The following FILIP1L variants were observed in gnomAD, a reference collection of about 807,000 sequenced individuals.
FILIP1L encodes filamin A interacting protein 1 like, also known as filamin A-interacting protein 1-like.
FILIP1L carries 55 observed loss-of-function variants against 96.6 expected under a neutral mutation model. The observed-to-expected ratio is 0.57, with a 90% CI of 0.46 to 0.71. FILIP1L has a LOEUF of 0.71. Ranked by LOEUF, FILIP1L falls within the 30% of genes least tolerant of loss-of-function variation. FILIP1L has a pLI of 0.00. For missense variants in FILIP1L, 1,304 were observed against 1,321.2 expected, an observed-to-expected ratio of 0.99 and a Z score of 0.20; for synonymous variants, 467 against 473.9, an observed-to-expected ratio of 0.99 and a Z score of 0.19.
chr3:100,047,966 C>A (rs1053934401), intron 1 of FILIP1L, among the ~76,000 whole-genome samples: 1 of 152,148 alleles, frequency 6.6e-6, no homozygotes, highest in African/African-American at 2.4e-5. Flanking sequence ...AACGAATTGT[C>A]CCTCCTATAG....
At chr3:99,855,672 A>C (rs1486776905) in intron 4 of FILIP1L, among the ~76,000 whole-genome samples, 1 of 152,218 alleles carries the variant, frequency 6.6e-6, no homozygotes, top group Non-Finnish European at 1.5e-5. Flanking sequence ...AACTTAAAAA[A>C]TCTTACTTAA....
At chr3:100,107,393 C>A (rs1345550334) in intron 1 of FILIP1L, among the ~76,000 whole-genome samples, 2 of 152,128 alleles carry the variant, frequency 1.3e-5, no homozygotes, top group Non-Finnish European at 2.9e-5. Flanking sequence ...ATAGCCTCTT[C>A]TGACACTTTG....
chr3:100,083,863 G>A (rs1434454327), intron 1 of FILIP1L, among the ~76,000 whole-genome samples: 2 of 152,106 alleles, frequency 1.3e-5, no homozygotes, highest in African/African-American at 2.4e-5. Context: ...CATGAGCCAC[G>A]GTGCCTGGCG....
In FILIP1L at chr3:100,112,373, G is replaced by A. The variant is rs993510058; in HGVS notation, c.-11+1680C>T. On this transcript the variant is annotated intron_variant, in intron 1 of 5. Coordinates refer to ENST00000477258, the MANE Select transcript of FILIP1L (RefSeq NM_001387850.1). The stretch of plus-strand genomic sequence containing the variant: ...GCATCCTTGGACCTGCCTGACTCTC[G>A]GCAAGTTGCAATGGCAGTCTCCTAC... 3.3e-5 allele frequency among the ~76,000 whole-genome samples: 5 copies of A among 152,094 alleles called. No homozygotes were observed. The South Asian group carries it at 6.2e-4, about 19-fold the overall frequency.
At chr3:99,989,796 A>G (rs1709460349) in intron 1 of FILIP1L, among the ~76,000 whole-genome samples, 1 of 151,958 alleles carries the variant, frequency 6.6e-6, no homozygotes, top group Non-Finnish European at 1.5e-5. Context: ...TATTGATTTG[A>G]TAGAAAGGAA....
At chr3:100,009,812 G>T (rs1710092857) in intron 1 of FILIP1L, among the ~76,000 whole-genome samples, 1 of 152,178 alleles carries the variant, frequency 6.6e-6, no homozygotes, top group Non-Finnish European at 1.5e-5. Context: ...GCAATGTATG[G>T]TTTAGCTGTA....
At position 99,940,860 on chromosome 3, in the gene FILIP1L, A is replaced by C. The variant is rs371348062; in HGVS notation, c.-10-9830T>G. On this transcript the variant is annotated intron_variant, in intron 1 of 5. Transcript: ENST00000477258. Reference sequence around the variant, plus strand: ...GGAGGTCAAGAGTTTCCATCTTTACATTCCAACGTGAGGTCTTCCCTTTCT... The same window carrying C: ...GGAGGTCAAGAGTTTCCATCTTTACCTTCCAACGTGAGGTCTTCCCTTTCT... 3.9e-5 allele frequency among the ~76,000 whole-genome samples: 6 copies of C among 152,208 alleles called. No homozygotes were observed. The East Asian group carries it at 9.6e-4, about 24-fold the overall frequency.
At chr3:99,877,289 T>C (rs1055833459) in intron 4 of FILIP1L, among the ~76,000 whole-genome samples, 5 of 152,202 alleles carry the variant, frequency 3.3e-5, no homozygotes, top group African/African-American at 1.2e-4. Context: ...GATGTACATA[T>C]GTCTGTAGAA....
chr3:100,008,099 A>G (rs1012483149), intron 1 of FILIP1L, among the ~76,000 whole-genome samples: 7 of 152,180 alleles, frequency 4.6e-5, no homozygotes, highest in African/African-American at 7.2e-5. Flanking sequence ...TTTTACTAAC[A>G]TAATTACAAT....
chr3:99,833,061 T>C (rs1942749323), intron 5 of FILIP1L: 1 of 640,314 alleles, frequency 1.6e-6, no homozygotes, highest in Non-Finnish European at 2.8e-6. Context: ...ACAGTGAATG[T>C]TCTACTCAGA....
intron 4 of FILIP1L, among the ~76,000 whole-genome samples, chr3:99,857,915 A>G (rs1216795327): frequency 6.6e-6 from 1 of 152,220 alleles, no homozygotes; most frequent in Non-Finnish European, 1.5e-5. Context: ...AACAAAGACA[A>G]TCATTAGTAC....
rs1447059142 is a variant in FILIP1L, at chr3:99,903,611, TAGA to T, written c.605+20616_605+20618del. On this transcript the variant is annotated intron_variant, in intron 4 of 5. Coordinates refer to ENST00000477258, the MANE Select transcript of FILIP1L (RefSeq NM_001387850.1). Reference sequence around the variant, plus strand: ...AGGTGGACCAAAAAAAAAGTAGGTTTAGAAGAATTTTGATAGATTTATGGATGA... The same window carrying T: ...AGGTGGACCAAAAAAAAAGTAGGTTTAGAATTTTGATAGATTTATGGATGA... Among the ~76,000 whole-genome samples the T allele has an allele frequency of 2.6e-5, 4 of 152,146 alleles. 1 individual carries two copies. Among genetic ancestry groups the T allele is most frequent in the African/African-American group, 7.2e-5 (3 of 41,422 alleles).
intron 1 of FILIP1L, among the ~76,000 whole-genome samples, chr3:100,057,857 G>A (rs1309147983): frequency 3.3e-5 from 5 of 152,084 alleles, no homozygotes; most frequent in Non-Finnish European, 7.4e-5. Context: ...ATTAACAACT[G>A]TGAATACAAT....
intron 1 of FILIP1L, among the ~76,000 whole-genome samples, chr3:99,945,100 G>C (rs1707969290): frequency 6.6e-6 from 1 of 152,160 alleles, no homozygotes; most frequent in African/African-American, 2.4e-5. Context: ...AGAACAAGCA[G>C]TCACCCTGCT....
chr3:99,931,727 A>G (rs371823647), intron 1 of FILIP1L, among the ~76,000 whole-genome samples: 1 of 152,352 alleles, frequency 6.6e-6, no homozygotes, highest in South Asian at 2.1e-4. Context: ...CGGAGATACT[A>G]CTACCTAACG....
At position 99,902,122 on chromosome 3, in the gene FILIP1L, A is replaced by G. The variant is rs117481389; in HGVS notation, c.605+22108T>C. On this transcript the variant is annotated intron_variant, in intron 4 of 5. Transcript: ENST00000477258. ...TGCTTTCACTGACCTCCTAAGTAAT[A>G]GAAATATTCATGATGTTATATTAGA... Among the ~76,000 whole-genome samples, 28 of 152,316 alleles carry G rather than the reference A, an allele frequency of 1.8e-4. No individual in the cohort carries two copies. The East Asian group carries it at 5.2e-3, about 28-fold the overall frequency.
At position 99,848,908 on chromosome 3, in the gene FILIP1L, G is replaced by C; in HGVS notation, c.2768C>G (p.Thr923Ser). ...CGTGTAAGAGTGAGGACTCTCTGTG[G>C]TTGGACTTGTGATTTCAAGAGTGGC... ...NTATLEITSP[T>S]TESPHSYTST... The change falls in exon 5 of 6, where the codon ACC (threonine) becomes AGC (serine). Residue 923 changes from threonine to serine, a missense_variant. By Grantham distance (58) the Thr-to-Ser change is moderately conservative. Transcript: ENST00000477258. 1 of 1,614,174 alleles carries C rather than the reference G, an allele frequency of 6.2e-7. No homozygotes were observed. Among genetic ancestry groups the C allele is most frequent in the Non-Finnish European group, 8.5e-7 (1 of 1,180,018 alleles).
At chr3:99,969,074 A>C (rs1708738287) in intron 1 of FILIP1L, among the ~76,000 whole-genome samples, 1 of 152,166 alleles carries the variant, frequency 6.6e-6, no homozygotes, top group Admixed American at 6.5e-5. Flanking sequence ...GGGGATAATT[A>C]ATGGAGCTCG....
chr3:99,900,884 C>G (rs1258093684), intron 4 of FILIP1L, among the ~76,000 whole-genome samples: 2 of 152,154 alleles, frequency 1.3e-5, no homozygotes, highest in Non-Finnish European at 2.9e-5. Context: ...AAGCACTGAT[C>G]TAAAGGAAAA....
Sources: gnomAD v4.1 joint callset for allele counts (sites outside exome capture counted in the v4.1 genomes callset) on GRCh38, gnomAD v4.1.1 for gene constraint, MANE v1.5 for transcripts, NCBI Gene and HGNC (gene_info 2026-07-23, HGNC 2026-07-21) for gene names.